Variants in PRRC2C observed in about 807,000 individuals in gnomAD.
PRRC2C encodes the protein proline rich coiled-coil 2C.
In PRRC2C, 72 loss-of-function variants were observed where a neutral mutation model predicts 317.2. That is an observed-to-expected ratio of 0.23 (90% CI 0.19 to 0.28). The LOEUF (loss-of-function observed/expected upper bound fraction) is 0.28, where lower values mean the gene tolerates loss of function less well. PRRC2C is among the 10% of genes least tolerant of loss of function. The pLI is 1.00. For synonymous variants in PRRC2C, 1,296 were observed against 1,205.9 expected, an observed-to-expected ratio of 1.07 and a Z score of -1.55; for missense variants, 3,074 against 3,459.7, an observed-to-expected ratio of 0.89 and a Z score of 2.80.
At chr1:171,521,905 T>C (rs940114206) in intron 6 of PRRC2C, among the ~76,000 whole-genome samples, 2 of 152,220 alleles carry the variant, frequency 1.3e-5, no homozygotes, top group Non-Finnish European at 2.9e-5. Flanking sequence ...ATCTTGTTGA[T>C]AGTTACTTTA....
intron 20 of PRRC2C, among the ~76,000 whole-genome samples, chr1:171,565,436 A>G (rs575035676): frequency 6.6e-6 from 1 of 150,744 alleles, no homozygotes; most frequent in Non-Finnish European, 1.5e-5. Flanking sequence ...AAGATGCTCA[A>G]CAAATTAGCT....
At chr1:171,568,384 G>A in intron 23 of PRRC2C, 45 bp downstream of exon 23, 1 of 1,556,902 alleles carries the variant, frequency 6.4e-7, no homozygotes, top group Non-Finnish European at 8.7e-7. Context: ...TTGGAACCTG[G>A]CTATTATTAT....
Position 171,536,235 on chromosome 1 carries a change from G to A in PRRC2C, c.2250G>A (p.Met750Ile). ...TGCAGTCCTACATGGATCCTCGAAT[G>A]ATGTCAGGAAGACCTGCTATGGATA... ...LMMQSYMDPR[M>I]MSGRPAMDIP... Residue 750 changes from methionine (M) to isoleucine (I), a missense_variant, in exon 14 of 35, where the codon ATG (methionine) becomes ATA (isoleucine). By Grantham distance (10) the Met-to-Ile change is conservative. Transcript: ENST00000647382. 4 of 1,613,830 alleles carry A rather than the reference G, an allele frequency of 2.5e-6. No individual in the cohort carries two copies. The highest frequency in any genetic ancestry group is 2.5e-6 in the Non-Finnish European group (3 of 1,179,816).
Position 171,579,840 on chromosome 1 carries a change from C to T in PRRC2C, c.7285C>T (p.Gln2429Ter). The T allele has an allele frequency of 6.4e-7, 1 of 1,565,124 alleles. No homozygotes were observed. The highest frequency in any genetic ancestry group is 8.6e-7 in the Non-Finnish European group (1 of 1,158,666). Residue 2429 changes from glutamine (Q) to a stop codon, truncating the protein, a stop_gained, in exon 28 of 35, where the codon CAG (glutamine) becomes TAG (stop). Coordinates refer to ENST00000647382, the MANE Select transcript of PRRC2C (RefSeq NM_001387844.1). LOFTEE classifies it high-confidence loss of function. ...CAATGCATTGCAGCCAACTTCAGTT[C>T]AGCAGATTCCAATCCCTATTTATGC... is the stretch of plus-strand genomic sequence containing the variant. ...QPGLSQPTSVQQIPIPIYAPL... is the reference protein window; with the variant it reads ...QPGLSQPTSV
intron 19 of PRRC2C, among the ~76,000 whole-genome samples, chr1:171,559,877 T>G (rs1486877103): frequency 6.6e-6 from 1 of 152,114 alleles, no homozygotes; most frequent in East Asian, 1.9e-4. Context: ...GGAAAAATGC[T>G]CAAAAGCTTT....
chr1:171,512,239 T>G, intron 2 of PRRC2C, 39 bp downstream of exon 2: 3 of 1,379,518 alleles, frequency 2.2e-6, no homozygotes, highest in Non-Finnish European at 3.0e-6. Context: ...TTTCATGGTT[T>G]GTTTTGTTAC....
intron 18 of PRRC2C, among the ~76,000 whole-genome samples, chr1:171,556,409 C>T (rs1168219970): frequency 6.6e-6 from 1 of 152,194 alleles, no homozygotes; most frequent in African/African-American, 2.4e-5. Flanking sequence ...CCTGCTTTGG[C>T]TCACCCTCCG....
At position 171,557,825 on chromosome 1, in the gene PRRC2C, C is replaced by G. The variant is rs1681746061; in HGVS notation, c.5713C>G (p.Pro1905Ala). The change falls in exon 19 of 35, where the codon CCA becomes GCA. Residue 1905 changes from proline (P) to alanine (A), a missense_variant. Transcript: ENST00000647382. The part of the protein sequence containing the change: ...IPASAPTASV[P>A]LAPASASAPA... ...AGCCTCAGCCCCAACTGCCTCAGTC[C>G]CACTTGCCCCTGCCTCAGCTTCAGC... 12 of 1,548,716 alleles carry G rather than the reference C, an allele frequency of 7.7e-6. No homozygotes were observed. The highest frequency in any genetic ancestry group is 1.0e-5 in the Non-Finnish European group (12 of 1,145,186).
chr1:171,578,443 C>T (rs1647697709), intron 26 of PRRC2C, among the ~76,000 whole-genome samples: 1 of 152,078 alleles, frequency 6.6e-6, no homozygotes, highest in Non-Finnish European at 1.5e-5. Flanking sequence ...GTTCCAGCTA[C>T]TTGGGAGGCT....
rs1269536379 is a variant in PRRC2C at position 171,592,707 on chromosome 1, T to C, written c.*860T>C. Reference sequence around the variant, plus strand: ...GAATCCCATGATTTGGGGGTTTTTTTCTTTTTTTTTTTATACCAGTTTTTA... The same window carrying C: ...GAATCCCATGATTTGGGGGTTTTTTCCTTTTTTTTTTTATACCAGTTTTTA... On this transcript the variant is annotated 3_prime_UTR_variant, in exon 35 of 35. Coordinates refer to ENST00000647382, the MANE Select transcript of PRRC2C (RefSeq NM_001387844.1). The C allele has an allele frequency of 1.3e-5, 2 of 152,092 alleles. No individual in the cohort carries two copies. Among genetic ancestry groups the C allele is most frequent in the Non-Finnish European group, 2.9e-5 (2 of 68,014 alleles). The allele number at this position is 152,092 out of a possible 1,614,324, so 9.4% of individuals were successfully genotyped here.
intron 18 of PRRC2C, among the ~76,000 whole-genome samples, chr1:171,554,865 C>T (rs1681039273): frequency 1.3e-5 from 2 of 152,142 alleles, no homozygotes; most frequent in Admixed American, 1.3e-4. Context: ...TTGAGGGTAA[C>T]CTGACCTTTC....
chr1:171,577,904 A>G (rs1239982977), intron 26 of PRRC2C, among the ~76,000 whole-genome samples: 1 of 148,294 alleles, frequency 6.7e-6, no homozygotes, highest in African/African-American at 2.5e-5. Flanking sequence ...CAGCCTCCCA[A>G]GTAGCTGGGG....
Position 171,540,555 on chromosome 1 carries a change from G to A in PRRC2C, c.3089G>A (p.Arg1030Gln), listed in dbSNP as rs760612179. ...KPVLRDMKEE[R>Q]EQRKEKEGEK... Reference sequence around the variant, plus strand: ...GTACTTAGAGATATGAAAGAGGAACGGGAACAGAGGAAGGAGAAAGAAGGA... The same window carrying A: ...GTACTTAGAGATATGAAAGAGGAACAGGAACAGAGGAAGGAGAAAGAAGGA... The change falls in exon 16 of 35, where the codon CGG becomes CAG. Residue 1030 changes from arginine (R) to glutamine (Q), a missense_variant. Around this residue, in one of 11 missense-constraint regions of PRRC2C, gnomAD observed 1,320 missense variants for 1,395.7 expected, o/e 0.95. Transcript: ENST00000647382. The A allele has an allele frequency of 1.9e-6, 3 of 1,613,718 alleles. No homozygotes were observed. The highest frequency in any genetic ancestry group is 1.7e-5 in the Admixed American group (1 of 59,982).
intron 5 of PRRC2C, among the ~76,000 whole-genome samples, chr1:171,516,939 C>G (rs920791698): frequency 8.5e-5 from 13 of 152,164 alleles, no homozygotes; most frequent in African/African-American, 2.4e-4. Flanking sequence ...GAGGGACATG[C>G]TATCACTTCT....
rs544740200 is a variant in PRRC2C, at chr1:171,541,997, C to T, written c.4531C>T (p.Arg1511Ter). The change falls in exon 16 of 35, where the codon CGA (arginine) becomes TGA (stop). Residue 1511 changes from arginine (R) to a stop codon, truncating the protein, a stop_gained. Transcript: ENST00000647382. LOFTEE classifies it high-confidence loss of function. This position sits in a 1 kb window ranked among gnomAD's most constrained non-coding sequence, Gnocchi z 4.1. ...ASESSDFNERRERDEKKNADL... is the reference protein window; with the variant it reads ...ASESSDFNER ...TGAAAGCAGTGATTTCAATGAGAGG[C>T]GAGAGAGGGATGAAAAAAAAAATGC... is the stretch of plus-strand genomic sequence containing the variant. 6.2e-7 allele frequency: 1 copy of T among 1,612,716 alleles called. No individual in the cohort carries two copies. The highest frequency in any genetic ancestry group is 1.1e-5 in the South Asian group (1 of 91,008).
At chr1:171,496,572 A>G (rs753658376) in intron 1 of PRRC2C, among the ~76,000 whole-genome samples, 4 of 151,696 alleles carry the variant, frequency 2.6e-5, no homozygotes, top group Non-Finnish European at 5.9e-5. Flanking sequence ...CAGATTCCCC[A>G]CTTGTTAATA....
Position 171,541,401 on chromosome 1 carries a change from A to C in PRRC2C, c.3935A>C (p.His1312Pro). ...KPHSSFKPDNHVRIDNRLLEK... is the reference protein window; with the variant it reads ...KPHSSFKPDNPVRIDNRLLEK... ...CATTCTTCTTTCAAGCCTGATAATC[A>C]TGTTCGAATAGATAATAGACTGCTA... is the stretch of plus-strand genomic sequence containing the variant. Residue 1312 changes from histidine to proline, a missense_variant, in exon 16 of 35, where the codon CAT becomes CCT. His to Pro is a moderately conservative substitution (Grantham distance 77). Around this residue, in one of 11 missense-constraint regions of PRRC2C, gnomAD observed 1,320 missense variants for 1,395.7 expected, o/e 0.95. Transcript: ENST00000647382. This position sits in a 1 kb window ranked among gnomAD's most constrained non-coding sequence, Gnocchi z 4.1. The C allele has an allele frequency of 6.2e-7, 1 of 1,613,494 alleles. No homozygotes were observed. The highest frequency in any genetic ancestry group is 8.5e-7 in the Non-Finnish European group (1 of 1,179,758).
Position 171,579,474 on chromosome 1 carries a change from C to T in PRRC2C, c.7272+8C>T. ...CAACCAGGTCTCTCTCAGGTAATATCAAAGACTTCTTCCATCCTGTATTTG... is the reference window on the plus strand; with the variant it reads ...CAACCAGGTCTCTCTCAGGTAATATTAAAGACTTCTTCCATCCTGTATTTG... On this transcript the variant is annotated splice_region_variant and intron_variant, in intron 27 of 34. Transcript: ENST00000647382. 1.2e-6 allele frequency: 2 copies of T among 1,612,676 alleles called. No individual in the cohort carries two copies. The highest frequency in any genetic ancestry group is 2.2e-5 in the East Asian group (1 of 44,854).
At chr1:171,573,084 A>G (rs1194716633) in intron 24 of PRRC2C, among the ~76,000 whole-genome samples, 1 of 152,200 alleles carries the variant, frequency 6.6e-6, no homozygotes, top group African/African-American at 2.4e-5. Flanking sequence ...GTTCAGTGCC[A>G]CTTGTTCTAA....
Sources: allele counts gnomAD v4.1 joint callset (sites outside exome capture counted in the v4.1 genomes callset), GRCh38; gene constraint gnomAD v4.1.1; regional missense constraint gnomAD v4.1.1; non-coding constraint Gnocchi (gnomAD v3.1); transcripts MANE v1.5; gene names NCBI Gene and HGNC (gene_info 2026-07-23, HGNC 2026-07-21).